GNB1: variants seen among roughly 807,000 people sequenced by gnomAD.
GNB1 encodes the protein guanine nucleotide-binding protein G(I)/G(S)/G(T) subunit beta-1.
In GNB1, 2 loss-of-function variants were observed where a neutral mutation model predicts 42.9. That is an observed-to-expected ratio of 0.05 (90% CI 0.02 to 0.15). The LOEUF (loss-of-function observed/expected upper bound fraction) is 0.15, where lower values mean the gene tolerates loss of function less well. Ranked by LOEUF, GNB1 falls within the 10% of genes least tolerant of loss-of-function variation. The pLI is 1.00. For missense variants in GNB1, 193 were observed against 462.2 expected, an observed-to-expected ratio of 0.42 and a Z score of 5.34; for synonymous variants, 183 against 174.7, an observed-to-expected ratio of 1.05 and a Z score of -0.38.
chr1:1,887,718 C>G (rs574640231), intron 1 of GNB1, among the ~76,000 whole-genome samples: 5 of 152,196 alleles, frequency 3.3e-5, no homozygotes, highest in Non-Finnish European at 7.3e-5. Flanking sequence ...CGGGTTCAAG[C>G]GATTCCCGTG....
chr1:1,812,256 T>C (rs1396898036), intron 5 of GNB1, among the ~76,000 whole-genome samples: 8 of 151,842 alleles, frequency 5.3e-5, no homozygotes, highest in African/African-American at 1.9e-4. Flanking sequence ...AAATGACAAG[T>C]TAACAGGTGC....
intron 1 of GNB1, among the ~76,000 whole-genome samples, chr1:1,875,582 C>T: frequency 6.6e-6 from 1 of 152,158 alleles, no homozygotes; most frequent in East Asian, 1.9e-4. Context: ...AATCATAGCT[C>T]ATTGCAGCCT....
At chr1:1,842,975 T>C (rs1414473688) in intron 1 of GNB1, among the ~76,000 whole-genome samples, 4 of 152,184 alleles carry the variant, frequency 2.6e-5, no homozygotes, top group African/African-American at 7.2e-5. Flanking sequence ...ATGAACATTT[T>C]AGGCAGGGGT....
At chr1:1,862,651 G>A (rs1648698322) in intron 1 of GNB1, among the ~76,000 whole-genome samples, 1 of 151,844 alleles carries the variant, frequency 6.6e-6, no homozygotes, top group Admixed American at 6.6e-5. Context: ...TAGAGACAGG[G>A]TTTCCCCCAT....
In GNB1 at chr1:1,830,419, G is replaced by A. The variant is rs138661129; in HGVS notation, c.-46-4920C>T. Among the ~76,000 whole-genome samples, 822 of 151,626 alleles carry A rather than the reference G, an allele frequency of 5.4e-3. 10 individuals carry two copies. The highest frequency in any genetic ancestry group is 0.019 in the African/African-American group (784 of 41,380). The stretch of plus-strand genomic sequence containing the variant: ...TGGGACTACAGGCGCCCGCCACCAC[G>A]CCCAGCTAATTTTTTATATTTTTAG... On this transcript the variant is annotated intron_variant, in intron 2 of 11. Coordinates refer to ENST00000378609, the MANE Select transcript of GNB1 (RefSeq NM_002074.5).
At chr1:1,889,362 A>G (rs1384395382) in intron 1 of GNB1, among the ~76,000 whole-genome samples, 5 of 152,224 alleles carry the variant, frequency 3.3e-5, no homozygotes. Context: ...ATGCTCCCCA[A>G]AAGAAAACCA....
intron 1 of GNB1, among the ~76,000 whole-genome samples, chr1:1,857,012 C>G (rs1049084436): frequency 5.3e-5 from 8 of 152,194 alleles, no homozygotes; most frequent in Non-Finnish European, 1.2e-4. Context: ...GTATTTTCAC[C>G]AGGTAATTAA....
chr1:1,889,531 G>C (rs545884238), intron 1 of GNB1, among the ~76,000 whole-genome samples: 18 of 152,202 alleles, frequency 1.2e-4, no homozygotes, highest in Non-Finnish European at 2.5e-4. Flanking sequence ...ATGAAGACAG[G>C]CTGGGCACGG....
At chr1:1,873,725 G>A (rs1198812090) in intron 1 of GNB1, among the ~76,000 whole-genome samples, 1 of 152,226 alleles carries the variant, frequency 6.6e-6, no homozygotes, top group African/African-American at 2.4e-5. Context: ...GGCTGAGGCA[G>A]AAGAATTGCT....
chr1:1,872,415 A>C (rs1241927272), intron 1 of GNB1, among the ~76,000 whole-genome samples: 1 of 152,196 alleles, frequency 6.6e-6, no homozygotes, highest in East Asian at 1.9e-4. Flanking sequence ...GAGGACCCTC[A>C]CCTGGTATAA....
At position 1,785,313 on chromosome 1, in the gene GNB1, T is replaced by C. The variant is rs1225227921; in HGVS notation, c.*1750A>G. 6.6e-6 allele frequency: 1 copy of C among 152,652 alleles called. No homozygotes were observed. The highest frequency in any genetic ancestry group is 2.4e-5 in the African/African-American group (1 of 41,446). 9.5% of individuals were successfully genotyped at this position (152,652 alleles called of 1,614,324 possible). A position where few individuals can be genotyped will look rare whatever the true frequency, so the allele number is the denominator to read the frequency against. On this transcript the variant is annotated 3_prime_UTR_variant, in exon 12 of 12. Transcript: ENST00000378609. Reference sequence around the variant, plus strand: ...CCTCATGTCAAACTGCTTTATTACATCTTAAATAACAGTACAGTTTAATAT... The same window carrying C: ...CCTCATGTCAAACTGCTTTATTACACCTTAAATAACAGTACAGTTTAATAT...
chr1:1,858,082 C>T (rs1047235699), intron 1 of GNB1, among the ~76,000 whole-genome samples: 1 of 152,194 alleles, frequency 6.6e-6, no homozygotes, highest in African/African-American at 2.4e-5. Context: ...GAATCCAGAA[C>T]AATTACAGTC....
chr1:1,873,573 G>A (rs1649365695), intron 1 of GNB1, among the ~76,000 whole-genome samples: 1 of 152,200 alleles, frequency 6.6e-6, no homozygotes, highest in Non-Finnish European at 1.5e-5. Context: ...TGTTACCCAG[G>A]AGCATATAAC....
intron 2 of GNB1, 158 bp from the exon 3 acceptor site, chr1:1,825,657 G>A: frequency 2.0e-6 from 1 of 501,712 alleles, no homozygotes; most frequent in South Asian, 2.1e-5. Context: ...GAGGTCAGGA[G>A]ATCGAGACCA....
chr1:1,810,925 C>T (rs1384532232), intron 5 of GNB1, among the ~76,000 whole-genome samples: 1 of 151,968 alleles, frequency 6.6e-6, no homozygotes, highest in Non-Finnish European at 1.5e-5. Flanking sequence ...GCCTTAGCCT[C>T]CCAAAGTGCT....
intron 5 of GNB1, among the ~76,000 whole-genome samples, chr1:1,812,637 A>AC (rs1646797954): frequency 6.6e-6 from 1 of 152,122 alleles, no homozygotes; most frequent in East Asian, 1.9e-4. Context: ...CCAATGTGGC[A>AC]CCCCAGCCTC....
intron 1 of GNB1, among the ~76,000 whole-genome samples, chr1:1,849,238 G>C (rs1252120118): frequency 6.6e-6 from 1 of 152,242 alleles, no homozygotes; most frequent in Non-Finnish European, 1.5e-5. Context: ...GTGTGCTTGA[G>C]ACTCTGCTAG....
At chr1:1,848,583 G>T (rs1647808777) in intron 1 of GNB1, among the ~76,000 whole-genome samples, 2 of 152,010 alleles carry the variant, frequency 1.3e-5, no homozygotes, top group African/African-American at 4.8e-5. Flanking sequence ...TCATTAAATA[G>T]TAAATACATT....
intron 7 of GNB1, among the ~76,000 whole-genome samples, chr1:1,796,907 C>T (rs572730197): frequency 1.1e-4 from 16 of 152,184 alleles, no homozygotes; most frequent in South Asian, 1.0e-3. Context: ...AAGAGAGGCA[C>T]GGCAGAGAGT....
Sources: allele counts gnomAD v4.1 joint callset (sites outside exome capture counted in the v4.1 genomes callset), GRCh38; gene constraint gnomAD v4.1.1; transcripts MANE v1.5; gene names NCBI Gene and HGNC (gene_info 2026-07-23, HGNC 2026-07-21).